The following FBXO36 variants were observed in gnomAD, a reference collection of about 807,000 sequenced individuals.
FBXO36 encodes the protein F-box protein 36, also known as F-box only protein 36.
Under a neutral mutation model 17.0 loss-of-function variants are expected in FBXO36, and 18 were observed. The observed-to-expected ratio is 1.06, with a 90% confidence interval of 0.73 to 1.57. FBXO36 has a LOEUF of 1.57. Ranked by LOEUF, FBXO36 falls within the 40% of genes most tolerant of loss-of-function variation. FBXO36 has a pLI of 0.00. For missense variants in FBXO36, 229 were observed against 221.9 expected, an observed-to-expected ratio of 1.03 and a Z score of -0.20; for synonymous variants, 83 against 85.3, an observed-to-expected ratio of 0.97 and a Z score of 0.15.
At chr2:229,930,458 G>C (rs1336357955) in intron 1 of FBXO36, among the ~76,000 whole-genome samples, 2 of 151,968 alleles carry the variant, frequency 1.3e-5, no homozygotes, top group African/African-American at 4.8e-5. Context: ...TCCCTTAAGA[G>C]AGATGCTTTA....
chr2:229,987,011 G>A (rs1446736992), intron 2 of FBXO36, among the ~76,000 whole-genome samples: 1 of 150,828 alleles, frequency 6.6e-6, no homozygotes, highest in Non-Finnish European at 1.5e-5. Context: ...TTGAGGTCAG[G>A]AGTTCAAGAC....
chr2:229,939,480 G>A (rs1239617201), intron 1 of FBXO36, among the ~76,000 whole-genome samples: 1 of 151,950 alleles, frequency 6.6e-6, no homozygotes, highest in Non-Finnish European at 1.5e-5. Flanking sequence ...ACATGGTGGT[G>A]TGCACCTGTA....
At chr2:229,940,727 G>T (rs1437410583) in intron 1 of FBXO36, among the ~76,000 whole-genome samples, 2 of 152,178 alleles carry the variant, frequency 1.3e-5, no homozygotes, top group Non-Finnish European at 2.9e-5. Context: ...AATTGCCAAA[G>T]ATTTTCAGCA....
chr2:229,984,060 T>C (rs1233148174), intron 2 of FBXO36, among the ~76,000 whole-genome samples: 4 of 152,152 alleles, frequency 2.6e-5, no homozygotes, highest in African/African-American at 4.8e-5. Context: ...TTTATAAAAA[T>C]AAAATCAGGT....
chr2:229,965,394 C>CT (rs2077146700), intron 1 of FBXO36, among the ~76,000 whole-genome samples: 1 of 149,878 alleles, frequency 6.7e-6, no homozygotes, highest in Non-Finnish European at 1.5e-5. Flanking sequence ...TTTTATTATA[C>CT]TTTAAGTTCT....
chr2:229,947,925 T>C (rs1457152596), intron 1 of FBXO36, among the ~76,000 whole-genome samples: 4 of 152,254 alleles, frequency 2.6e-5, no homozygotes, highest in Admixed American at 6.5e-5. Context: ...AGATACAGAT[T>C]TTGACTCTGC....
chr2:229,990,998 A>C (rs2077295122), intron 2 of FBXO36, among the ~76,000 whole-genome samples: 2 of 146,648 alleles, frequency 1.4e-5, no homozygotes, highest in Non-Finnish European at 3.0e-5. Flanking sequence ...GCTGGAGTGC[A>C]GTGGTGCAAT....
chr2:229,963,212 C>T (rs1404083383), intron 1 of FBXO36, among the ~76,000 whole-genome samples: 1 of 151,590 alleles, frequency 6.6e-6, no homozygotes, highest in Non-Finnish European at 1.5e-5. Flanking sequence ...ATTACAGGCA[C>T]CTGCCACCAC....
At chr2:229,976,454 C>A in intron 2 of FBXO36, 105 bp downstream of exon 2, 1 of 746,428 alleles carries the variant, frequency 1.3e-6, no homozygotes, top group South Asian at 1.7e-5. Flanking sequence ...TATTGATATG[C>A]AGTTATGTAC....
chr2:229,950,051 C>G (rs1286840865), intron 1 of FBXO36, among the ~76,000 whole-genome samples: 1 of 152,344 alleles, frequency 6.6e-6, no homozygotes, highest in East Asian at 1.9e-4. Context: ...TTCAGTGCCT[C>G]CAGCAGCCAC....
intron 1 of FBXO36, among the ~76,000 whole-genome samples, chr2:229,968,460 C>A (rs2077164771): frequency 6.6e-6 from 1 of 151,994 alleles, no homozygotes; most frequent in East Asian, 1.9e-4. Context: ...AAATTTAATT[C>A]TCTGAAATTT....
intron 2 of FBXO36, among the ~76,000 whole-genome samples, chr2:229,983,589 G>A (rs1253349461): frequency 1.3e-5 from 2 of 152,166 alleles, no homozygotes; most frequent in African/African-American, 4.8e-5. Context: ...TTACAGGTAT[G>A]AGCCACTCAG....
At chr2:229,963,397 T>A (rs1200297500) in intron 1 of FBXO36, among the ~76,000 whole-genome samples, 1 of 150,666 alleles carries the variant, frequency 6.6e-6, no homozygotes, top group East Asian at 2.0e-4. Context: ...TTGCCAGTAA[T>A]ACCTCAATGA....
chr2:229,984,526 C>A (rs1302004062), intron 2 of FBXO36, among the ~76,000 whole-genome samples: 2 of 150,582 alleles, frequency 1.3e-5, no homozygotes, highest in African/African-American at 4.9e-5. Context: ...GTAGCTGGGA[C>A]TACAGGCGCC....
At chr2:229,974,821 A>G (rs1417949109) in intron 1 of FBXO36, among the ~76,000 whole-genome samples, 1 of 152,128 alleles carries the variant, frequency 6.6e-6, no homozygotes, top group Non-Finnish European at 1.5e-5. Flanking sequence ...AATGCATGCC[A>G]TTTCTACTGC....
rs763715203 is a variant in FBXO36, at chr2:229,976,249, T to C, written c.105T>C (p.Phe35=). Reference sequence around the variant, plus strand: ...TTTGTATTTAATTATAGGTAATCTTTAGATGGTGGAAGATCTCTCTAAGGA... The same window carrying C: ...TTTGTATTTAATTATAGGTAATCTTCAGATGGTGGAAGATCTCTCTAAGGA... The part of the protein sequence containing the change: ...QLLVTRSQVI[F]RWWKISLRSE... The change falls in exon 2 of 4, where the codon TTT becomes TTC. Residue 35 remains phenylalanine, a synonymous_variant. Coordinates refer to ENST00000283946, the MANE Select transcript of FBXO36 (RefSeq NM_174899.5). 6 of 1,600,488 alleles carry C rather than the reference T, an allele frequency of 3.7e-6. No individual in the cohort carries two copies. The highest frequency in any genetic ancestry group is 2.3e-5 in the South Asian group (2 of 87,948).
At chr2:229,935,257 A>G (rs1182138736) in intron 1 of FBXO36, among the ~76,000 whole-genome samples, 1 of 152,198 alleles carries the variant, frequency 6.6e-6, no homozygotes, top group Non-Finnish European at 1.5e-5. Context: ...TGGAGCAGAG[A>G]GTAAGCCTGA....
At chr2:229,939,008 A>G (rs1351921313) in intron 1 of FBXO36, 2 of 144,040 alleles carry the variant, frequency 1.4e-5, no homozygotes, top group Non-Finnish European at 3.0e-5. Context: ...CGGATGGGTT[A>G]GTTTTCTTAC....
At chr2:229,997,027 A>G (rs1005794811) in intron 3 of FBXO36, 104 bp downstream of exon 3, 8 of 1,036,388 alleles carry the variant, frequency 7.7e-6, no homozygotes, top group African/African-American at 3.2e-5. Context: ...TGTGATGGAC[A>G]CTGTCTTAGG....
Sources: allele counts gnomAD v4.1 joint callset (sites outside exome capture counted in the v4.1 genomes callset), GRCh38; gene constraint gnomAD v4.1.1; transcripts MANE v1.5; gene names NCBI Gene and HGNC (gene_info 2026-07-23, HGNC 2026-07-21).